CHCHD6: variants seen among roughly 807,000 people sequenced by gnomAD.
The protein encoded by CHCHD6 is MICOS complex subunit MIC25.
Under a neutral mutation model 32.3 loss-of-function variants are expected in CHCHD6, and 28 were observed. The observed-to-expected ratio is 0.87, with a 90% CI of 0.64 to 1.19. The LOEUF is 1.19. Among genes scored for constraint, CHCHD6 ranks in the 50% most tolerant of loss-of-function variants. CHCHD6 has a pLI of 0.00. For missense variants in CHCHD6, 333 were observed against 307.0 expected, an observed-to-expected ratio of 1.08 and a Z score of -0.63; for synonymous variants, 122 against 117.5, an observed-to-expected ratio of 1.04 and a Z score of -0.25.
At chr3:126,847,032 AAATTGAT>A (rs1381201603) in intron 4 of CHCHD6, among the ~76,000 whole-genome samples, 46 of 152,182 alleles carry the variant, frequency 3.0e-4, no homozygotes, top group African/African-American at 1.1e-3. Context: ...TCTTTTATCC[AAATTGAT>A]AATCATTTTT....
chr3:126,825,667 T>C (rs971103921), intron 4 of CHCHD6, among the ~76,000 whole-genome samples: 1 of 152,254 alleles, frequency 6.6e-6, no homozygotes, highest in Non-Finnish European at 1.5e-5. Flanking sequence ...TCTCTAGTGA[T>C]ACTTCTTCCC....
In CHCHD6 at chr3:126,923,707, C is replaced by A. The variant is rs1549846; in HGVS notation, c.566+8957C>A. Among the ~76,000 whole-genome samples the A allele has an allele frequency of 6.1e-3, 928 of 152,354 alleles. 26 individuals carry two copies. Among genetic ancestry groups the A allele is most frequent in the Admixed American group, 0.049 (745 of 15,302 alleles). On this transcript the variant is annotated intron_variant, in intron 6 of 7. Transcript: ENST00000290913. The stretch of plus-strand genomic sequence containing the variant: ...GGGTCGGATGACATAAATGCTGAGA[C>A]ACACTTCCCTTACTTCTAAAGGTTG...
chr3:126,871,115 T>C (rs1355445022), intron 5 of CHCHD6, among the ~76,000 whole-genome samples: 3 of 152,188 alleles, frequency 2.0e-5, no homozygotes, highest in East Asian at 3.9e-4. Flanking sequence ...ATATCAGCGT[T>C]TGATTCACCC....
chr3:126,960,089 C>T, intron 7 of CHCHD6, 107 bp from the exon 8 acceptor site: 10 of 1,391,898 alleles, frequency 7.2e-6, no homozygotes, highest in Non-Finnish European at 8.0e-6. Flanking sequence ...GAGACCAACT[C>T]ACAGCTGCTC....
At chr3:126,824,560 C>CAAAAAAAAAAAAAAAAAAAAAAAAAA in intron 4 of CHCHD6, among the ~76,000 whole-genome samples, 1 of 39,992 alleles carries the variant, frequency 2.5e-5, no homozygotes, top group African/African-American at 1.5e-4. Context: ...GACTCTGTCT[C>CAAAAAAAAAAAAAAAAAAAAAAAAAA]AAAAAAAAAA....
intron 4 of CHCHD6, among the ~76,000 whole-genome samples, chr3:126,780,120 A>G (rs4679292): frequency 0.44 from 67,620 of 152,038 alleles, 16,304 homozygotes; most frequent in African/African-American, 0.64. Flanking sequence ...AGTGTGATGC[A>G]TCTGTGTTTG....
At chr3:126,912,486 T>C (rs1214366495) in intron 5 of CHCHD6, among the ~76,000 whole-genome samples, 1 of 152,226 alleles carries the variant, frequency 6.6e-6, no homozygotes, top group African/African-American at 2.4e-5. Context: ...CCTGTATTTA[T>C]TTCGTGCCTG....
At chr3:126,718,449 T>C (rs1935126999) in intron 1 of CHCHD6, among the ~76,000 whole-genome samples, 1 of 152,312 alleles carries the variant, frequency 6.6e-6, no homozygotes, top group Admixed American at 6.5e-5. Context: ...GGAAACTGAC[T>C]TAGAGCTAAG....
At chr3:126,728,247 C>A (rs899187776) in intron 2 of CHCHD6, among the ~76,000 whole-genome samples, 1 of 152,190 alleles carries the variant, frequency 6.6e-6, no homozygotes, top group Non-Finnish European at 1.5e-5. Flanking sequence ...CATGGCACAC[C>A]TGGCTCTGGT....
intron 6 of CHCHD6, chr3:126,953,116 G>A: frequency 7.1e-6 from 7 of 985,500 alleles, no homozygotes; most frequent in Non-Finnish European, 8.4e-6. Flanking sequence ...TCTGTGGGGT[G>A]GGGTCCTCCC....
rs532966707 is a variant in CHCHD6 at position 126,776,593 on chromosome 3, A to G, written c.411+43371A>G. Among the ~76,000 whole-genome samples the G allele has an allele frequency of 2.0e-5, 3 of 152,354 alleles. No homozygotes were observed. The East Asian group carries it at 5.8e-4, about 29-fold the overall frequency. On this transcript the variant is annotated intron_variant, in intron 4 of 7. Coordinates refer to ENST00000290913, the MANE Select transcript of CHCHD6 (RefSeq NM_032343.3). ...TAGGCATAGGACCTTGAGGGCACTT[A>G]GTAGTTGCTCAACAAATATTTGTCA...
chr3:126,806,026 C>T (rs1228473931), intron 4 of CHCHD6, among the ~76,000 whole-genome samples: 2 of 152,338 alleles, frequency 1.3e-5, no homozygotes, highest in East Asian at 3.9e-4. Flanking sequence ...GGATCCCTTC[C>T]TTACACCTTA....
intron 4 of CHCHD6, among the ~76,000 whole-genome samples, chr3:126,825,172 A>G (rs766066044): frequency 1.3e-5 from 2 of 152,044 alleles, no homozygotes; most frequent in Non-Finnish European, 2.9e-5. Context: ...AATTTGAGGT[A>G]TATATTATTA....
rs149987016 is a variant in CHCHD6 at position 126,714,345 on chromosome 3, G to C, written c.87+9946G>C. Among the ~76,000 whole-genome samples, 4 of 152,238 alleles carry C rather than the reference G, an allele frequency of 2.6e-5. No homozygotes were observed. The Middle Eastern group carries it at 0.014, about 518-fold the overall frequency. ...CTGTCCGACTCCTGTGGGCATTTGT[G>C]TGTGCCATGCTTGGTGTAGGAGGTC... On this transcript the variant is annotated intron_variant, in intron 1 of 7. Coordinates refer to ENST00000290913, the MANE Select transcript of CHCHD6 (RefSeq NM_032343.3).
intron 4 of CHCHD6, among the ~76,000 whole-genome samples, chr3:126,776,104 G>A (rs1047709205): frequency 1.1e-4 from 16 of 152,136 alleles, no homozygotes; most frequent in African/African-American, 3.9e-4. Flanking sequence ...AATGTGGAGT[G>A]GGAAACATGA....
At chr3:126,910,380 C>A (rs997818763) in intron 5 of CHCHD6, among the ~76,000 whole-genome samples, 1 of 152,166 alleles carries the variant, frequency 6.6e-6, no homozygotes, top group South Asian at 2.1e-4. Context: ...AGCTTTTGAG[C>A]CTGCAGCTGG....
At chr3:126,882,377 T>G (rs1161793295) in intron 5 of CHCHD6, among the ~76,000 whole-genome samples, 1 of 152,228 alleles carries the variant, frequency 6.6e-6, no homozygotes, top group Non-Finnish European at 1.5e-5. Context: ...AAGGGTTTTA[T>G]CAAGAGGAAG....
At chr3:126,861,702 C>T (rs1258803640) in intron 5 of CHCHD6, among the ~76,000 whole-genome samples, 1 of 146,062 alleles carries the variant, frequency 6.8e-6, no homozygotes, top group East Asian at 2.1e-4. Context: ...TCACCACCTC[C>T]CCCTCCACGA....
chr3:126,791,174 T>C (rs1938520780), intron 4 of CHCHD6, among the ~76,000 whole-genome samples: 1 of 152,230 alleles, frequency 6.6e-6, no homozygotes, highest in South Asian at 2.1e-4. Flanking sequence ...GTCTGAATGT[T>C]CCTCTGGAAG....
Sources: allele counts gnomAD v4.1 joint callset (sites outside exome capture counted in the v4.1 genomes callset), GRCh38; gene constraint gnomAD v4.1.1; transcripts MANE v1.5; gene names NCBI Gene and HGNC (gene_info 2026-07-23, HGNC 2026-07-21).